Variants in PRMT8 observed in about 807,000 individuals in gnomAD.
PRMT8 encodes protein arginine N-methyltransferase 8.
In PRMT8, 7 loss-of-function variants were observed where a neutral mutation model predicts 47.1. The ratio of observed to expected loss-of-function variants is 0.15; its 90% CI spans 0.08 to 0.28. PRMT8 has a LOEUF of 0.28. Ranked by LOEUF, PRMT8 falls within the 10% of genes least tolerant of loss-of-function variation. The probability of loss-of-function intolerance (pLI) is 1.00; values close to 1 mark genes in which losing one functional copy is unlikely to be tolerated. For missense variants in PRMT8, 237 were observed against 505.4 expected, an observed-to-expected ratio of 0.47 and a Z score of 5.09; for synonymous variants, 188 against 186.5, an observed-to-expected ratio of 1.01 and a Z score of -0.07.
intron 1 of PRMT8, among the ~76,000 whole-genome samples, chr12:3,386,336 G>A (rs1046009737): frequency 6.6e-6 from 1 of 152,208 alleles, no homozygotes; most frequent in African/African-American, 2.4e-5. Flanking sequence ...TTGTATTCCT[G>A]TGATTTCTTC....
intron 1 of PRMT8, among the ~76,000 whole-genome samples, chr12:3,474,246 C>G (rs1384083574): frequency 6.6e-6 from 1 of 152,202 alleles, no homozygotes; most frequent in Admixed American, 6.5e-5. Context: ...GGCCCAGGTT[C>G]AGATCCTGGC....
At chr12:3,568,872 C>T (rs199576023) in intron 5 of PRMT8, 24 bp downstream of exon 5, 375 of 1,613,196 alleles carry the variant, frequency 2.3e-4, no homozygotes, top group African/African-American at 1.8e-3. Flanking sequence ...ATGCTGTCCC[C>T]GCGTTGGCCG....
chr12:3,553,792 G>T, intron 4 of PRMT8, 78 bp downstream of exon 4: 1 of 1,356,220 alleles, frequency 7.4e-7, no homozygotes, highest in South Asian at 1.2e-5. Context: ...ATGGCATAGC[G>T]GGAGGAGCGC....
At chr12:3,485,023 G>A (rs1865309277) in intron 1 of PRMT8, among the ~76,000 whole-genome samples, 1 of 152,200 alleles carries the variant, frequency 6.6e-6, no homozygotes, top group African/African-American at 2.4e-5. Flanking sequence ...AGGAAAGAGA[G>A]GGTGCACCTC....
rs989250155 is a variant in PRMT8, at chr12:3,576,595, C to T, written c.713-276C>T. On this transcript the variant is annotated intron_variant, in intron 6 of 9. Transcript: ENST00000382622. This position sits in a 1 kb window ranked among gnomAD's most constrained non-coding sequence, Gnocchi z 4.0. Reference sequence around the variant, plus strand: ...TAGTCTTTGCCCTGCTGCACTCTAGCTATAGGAGCTTGGAGCAGTTTCCCA... The same window carrying T: ...TAGTCTTTGCCCTGCTGCACTCTAGTTATAGGAGCTTGGAGCAGTTTCCCA... Among the ~76,000 whole-genome samples the T allele has an allele frequency of 6.6e-6, 1 of 152,142 alleles. No homozygotes were observed. Among genetic ancestry groups the T allele is most frequent in the Non-Finnish European group, 1.5e-5 (1 of 68,030 alleles).
chr12:3,569,072 C>T lies in PRMT8; in HGVS notation c.624+224C>T, dbSNP rs915460619. Among the ~76,000 whole-genome samples the T allele has an allele frequency of 5.3e-5, 8 of 152,102 alleles. No homozygotes were observed. The highest frequency in any genetic ancestry group is 1.4e-4 in the African/African-American group (6 of 41,432). On this transcript the variant is annotated intron_variant, in intron 5 of 9. Transcript: ENST00000382622. The surrounding 1 kb of genome is among the most constrained non-coding windows in gnomAD (Gnocchi z 8.2). ...GAGTGGACTTCCGTGGGTCTCACCG[C>T]AGCCTCTTTTGCAATAACAGACATC...
chr12:3,442,582 TGGCCTGGAACG>T (rs1451184952), intron 1 of PRMT8, among the ~76,000 whole-genome samples: 1 of 152,198 alleles, frequency 6.6e-6, no homozygotes, highest in Non-Finnish European at 1.5e-5. Context: ...TACCAGGGCT[TGGCCTGGAACG>T]GGTATGAGGC....
In PRMT8 at chr12:3,576,658, G is replaced by A. The variant is rs1284525821; in HGVS notation, c.713-213G>A. On this transcript the variant is annotated intron_variant, in intron 6 of 9. Coordinates refer to ENST00000382622, the MANE Select transcript of PRMT8 (RefSeq NM_019854.5). The surrounding 1 kb of genome is among the most constrained non-coding windows in gnomAD (Gnocchi z 4.0). ...TCTAGTTTACCTAACAACAAAGTGG[G>A]ACTTACCTTTTCCCGAGGTAGAAAT... Among the ~76,000 whole-genome samples, 2 of 152,258 alleles carry A rather than the reference G, an allele frequency of 1.3e-5. No homozygotes were observed. The highest frequency in any genetic ancestry group is 2.1e-4 in the South Asian group (1 of 4,822).
chr12:3,510,319 A>G (rs1019643116), intron 1 of PRMT8, among the ~76,000 whole-genome samples: 3 of 152,160 alleles, frequency 2.0e-5, no homozygotes, highest in Admixed American at 1.3e-4. Context: ...TTCTCTTTAT[A>G]ATAAGGTCTA....
At chr12:3,418,342 C>T (rs570445028) in intron 1 of PRMT8, among the ~76,000 whole-genome samples, 57 of 152,294 alleles carry the variant, frequency 3.7e-4, no homozygotes, top group Non-Finnish European at 6.8e-4. Flanking sequence ...GTTTTAGAGG[C>T]GGTTTTTTTG....
rs1002895819 is a variant in PRMT8, at chr12:3,436,963, T to A, written c.48+55521T>A. ...TCAATTTGATTCAGTTTGGCAAACATTTACTCACCTTCTACTGTGTCCAAA... is the reference window on the plus strand; with the variant it reads ...TCAATTTGATTCAGTTTGGCAAACAATTACTCACCTTCTACTGTGTCCAAA... On this transcript the variant is annotated intron_variant, in intron 1 of 9. Coordinates refer to the PRMT8 transcript ENST00000452611. This position sits in a 1 kb window ranked among gnomAD's most constrained non-coding sequence, Gnocchi z 4.2. Among the ~76,000 whole-genome samples, 2 of 152,232 alleles carry A rather than the reference T, an allele frequency of 1.3e-5. No individual in the cohort carries two copies. The highest frequency in any genetic ancestry group is 2.9e-5 in the Non-Finnish European group (2 of 68,038).
intron 1 of PRMT8, among the ~76,000 whole-genome samples, chr12:3,423,557 G>T (rs777213581): frequency 3.3e-5 from 5 of 152,170 alleles, no homozygotes; most frequent in Non-Finnish European, 5.9e-5. Flanking sequence ...AGGCCCAGGA[G>T]TTCACCTGTC....
chr12:3,404,727 T>G (rs1195345379), intron 1 of PRMT8, among the ~76,000 whole-genome samples: 1 of 152,228 alleles, frequency 6.6e-6, no homozygotes, highest in Non-Finnish European at 1.5e-5. Context: ...TATCAGTGAT[T>G]GAGAGAGATG....
intron 1 of PRMT8, among the ~76,000 whole-genome samples, chr12:3,447,853 A>G (rs1255963264): frequency 2.0e-5 from 3 of 152,146 alleles, no homozygotes; most frequent in Non-Finnish European, 4.4e-5. Flanking sequence ...TCTTAAGGAG[A>G]AAACTACATG....
intron 1 of PRMT8, among the ~76,000 whole-genome samples, chr12:3,540,101 A>G (rs978833994): frequency 2.6e-5 from 4 of 152,174 alleles, no homozygotes; most frequent in African/African-American, 9.6e-5. Context: ...CAACTCTAGG[A>G]GGCAGGGACC....
chr12:3,465,300 A>C (rs1168053144), intron 1 of PRMT8, among the ~76,000 whole-genome samples: 1 of 145,594 alleles, frequency 6.9e-6, no homozygotes, highest in Non-Finnish European at 1.5e-5. Flanking sequence ...TATATAATAA[A>C]ATATATATTA....
chr12:3,507,672 C>T (rs778493948), intron 1 of PRMT8, among the ~76,000 whole-genome samples: 1 of 151,980 alleles, frequency 6.6e-6, no homozygotes, highest in Middle Eastern at 3.4e-3. Flanking sequence ...AGAAAATTGA[C>T]GACTACTCTT....
intron 4 of PRMT8, among the ~76,000 whole-genome samples, chr12:3,567,089 G>A (rs1228928941): frequency 6.6e-6 from 1 of 152,238 alleles, no homozygotes; most frequent in Non-Finnish European, 1.5e-5. Flanking sequence ...ACTGGGGACA[G>A]GGGCTTTGAC....
chr12:3,545,053 G>A (rs1196784057), intron 2 of PRMT8, among the ~76,000 whole-genome samples: 1 of 152,230 alleles, frequency 6.6e-6, no homozygotes, highest in Non-Finnish European at 1.5e-5. Context: ...ATGGATGAAG[G>A]AAAGGGTTGT....
Sources: gnomAD v4.1 joint callset for allele counts (sites outside exome capture counted in the v4.1 genomes callset) on GRCh38, gnomAD v4.1.1 for gene constraint, Gnocchi (gnomAD v3.1) non-coding constraint, MANE v1.5 for transcripts, NCBI Gene and HGNC (gene_info 2026-07-23, HGNC 2026-07-21) for gene names.